The following CDV3 variants were observed in gnomAD, a reference collection of about 807,000 sequenced individuals.
The protein encoded by CDV3 is CDV3 homolog.
In CDV3, 14 loss-of-function variants were observed where a neutral mutation model predicts 24.5. The ratio of observed to expected loss-of-function variants is 0.57; its 90% CI spans 0.38 to 0.89. The LOEUF is 0.89. Ranked by LOEUF, CDV3 falls within the 40% of genes least tolerant of loss-of-function variation. CDV3 has a pLI of 0.00. For synonymous variants in CDV3, 114 were observed against 114.1 expected (o/e 1.00, Z 0.00); for missense variants, 304 against 310.2 (o/e 0.98, Z 0.15).
At chr3:133,587,206 C>T in intron 4 of CDV3, 1 of 1,347,274 alleles carries the variant, frequency 7.4e-7, no homozygotes. Context: ...CTACATATGG[C>T]ACATCTACAT....
intron 4 of CDV3, chr3:133,587,331 C>T: frequency 8.0e-7 from 1 of 1,254,608 alleles, no homozygotes; most frequent in Non-Finnish European, 1.0e-6. Flanking sequence ...AGCCTTTTCA[C>T]CACTTTGAGA....
At chr3:133,574,406 C>A in intron 1 of CDV3, 122 bp downstream of exon 1, 3 of 966,812 alleles carry the variant, frequency 3.1e-6, no homozygotes, top group Non-Finnish European at 3.7e-6. Flanking sequence ...CGGGCGCGGG[C>A]CGCCACGTGA....
chr3:133,586,563 T>C lies in CDV3; in HGVS notation c.467T>C (p.Val156Ala). The stretch of plus-strand genomic sequence containing the variant: ...TCTAAAAATTGTTATAAAATATTAG[T>C]TACAGAAACCCCAGAACCAGCGATG... ...PVQAPPAPVI[V>A]TETPEPAMTS... Residue 156 changes from valine (V) to alanine (A), a missense_variant and splice_region_variant, in exon 4 of 5, where the codon GTT becomes GCT. Around this residue, in one of 3 missense-constraint regions of CDV3, gnomAD observed 219 missense variants for 203.6 expected, o/e 1.08. Coordinates refer to ENST00000264993, the MANE Select transcript of CDV3 (RefSeq NM_017548.5). 1 of 1,530,936 alleles carries C rather than the reference T, an allele frequency of 6.5e-7. No individual in the cohort carries two copies. Among genetic ancestry groups the C allele is most frequent in the Non-Finnish European group, 9.0e-7 (1 of 1,117,034 alleles). The allele number at this position is 1,530,936 out of a possible 1,614,324, so 94.8% of individuals were successfully genotyped here.
In CDV3 at chr3:133,588,489, T is replaced by A. The variant is rs748416836; in HGVS notation, c.*443T>A. ...AACCTTGCAACCAGCTCTACTGGAT[T>A]CTTATCAGAAATCCTGCATAAAAAG... On this transcript the variant is annotated 3_prime_UTR_variant, in exon 5 of 5. Coordinates refer to ENST00000264993, the MANE Select transcript of CDV3 (RefSeq NM_017548.5). The A allele has an allele frequency of 9.3e-6, 9 of 964,256 alleles. No homozygotes were observed. Among genetic ancestry groups the A allele is most frequent in the Non-Finnish European group, 1.4e-5 (9 of 644,334 alleles). The allele number at this position is 964,256 out of a possible 1,614,324, so 59.7% of individuals were successfully genotyped here.
At chr3:133,576,633 ATTAT>A (rs1165035995) in intron 2 of CDV3, among the ~76,000 whole-genome samples, 2 of 152,074 alleles carry the variant, frequency 1.3e-5, no homozygotes. Flanking sequence ...AACTATGGAG[ATTAT>A]TTAAACAGAA....
In CDV3 at chr3:133,588,427, C is replaced by G. The variant is rs2107748405; in HGVS notation, c.*381C>G. The stretch of plus-strand genomic sequence containing the variant: ...GTGGACTTCATGTGGATCACAACTT[C>G]TGGATAAGAAGATTACAACTATTAA... On this transcript the variant is annotated 3_prime_UTR_variant, in exon 5 of 5. Transcript: ENST00000264993. The G allele has an allele frequency of 1.4e-6, 2 of 1,450,380 alleles. No individual in the cohort carries two copies. The highest frequency in any genetic ancestry group is 1.2e-5 in the South Asian group (1 of 82,072). 89.8% of individuals were successfully genotyped at this position (1,450,380 alleles called of 1,614,324 possible).
intron 1 of CDV3, chr3:133,574,746 G>GTC: frequency 9.1e-7 from 1 of 1,098,226 alleles, no homozygotes; most frequent in Non-Finnish European, 1.1e-6. Context: ...TGGCAAGGTT[G>GTC]AAGTAGAAAT....
At chr3:133,587,829 A>G in intron 4 of CDV3, 67 bp from the exon 5 acceptor site, 1 of 1,520,682 alleles carries the variant, frequency 6.6e-7, no homozygotes, top group East Asian at 2.3e-5. Context: ...TTTAAATTCA[A>G]GGACGAATAT....
rs550869230 is a variant in CDV3, at chr3:133,585,460, C to A, written c.467-1103C>A. Among the ~76,000 whole-genome samples, 3 of 151,642 alleles carry A rather than the reference C, an allele frequency of 2.0e-5. No individual in the cohort carries two copies. The East Asian group carries it at 5.8e-4, about 29-fold the overall frequency. On this transcript the variant is annotated intron_variant, in intron 3 of 4. Coordinates refer to ENST00000264993, the MANE Select transcript of CDV3 (RefSeq NM_017548.5). ...CCTCCCAAAGTGCTGGGATTACAGG[C>A]GTGAGCCATTGTGCCTGGCTAGAAT...
chr3:133,574,694 G>A (rs547109328), intron 1 of CDV3: 38 of 1,061,632 alleles, frequency 3.6e-5, no homozygotes, highest in Admixed American at 4.9e-5. Flanking sequence ...CTTTTGTGAT[G>A]ACTTAGTCTC....
Position 133,586,575 on chromosome 3 carries a change from C to G in CDV3, c.479C>G (p.Pro160Arg). 5 of 1,581,820 alleles carry G rather than the reference C, an allele frequency of 3.2e-6. No homozygotes were observed. Among genetic ancestry groups the G allele is most frequent in the Non-Finnish European group, 4.3e-6 (5 of 1,153,916 alleles). ...TATAAAATATTAGTTACAGAAACCC[C>G]AGAACCAGCGATGACTAGTGGTGTG... ...PPAPVIVTET[P>R]EPAMTSGVYR... The change falls in exon 4 of 5, where the codon CCA becomes CGA. Residue 160 changes from proline (P) to arginine (R), a missense_variant. Transcript: ENST00000264993.
chr3:133,576,946 C>T (rs2074838331), intron 2 of CDV3, among the ~76,000 whole-genome samples: 1 of 148,422 alleles, frequency 6.7e-6, no homozygotes, highest in Admixed American at 6.9e-5. Context: ...CTTCTGGTTT[C>T]AAGCGATTCT....
intron 2 of CDV3, 152 bp downstream of exon 2, chr3:133,575,267 A>G: frequency 1.9e-6 from 1 of 526,904 alleles, no homozygotes; most frequent in Non-Finnish European, 3.5e-6. Context: ...ACTCTTTCTC[A>G]CTCCATGGAG....
chr3:133,578,193 C>G (rs1161840396), intron 2 of CDV3, among the ~76,000 whole-genome samples: 1 of 151,914 alleles, frequency 6.6e-6, no homozygotes, highest in African/African-American at 2.4e-5. Flanking sequence ...GTCTATTTTA[C>G]CTAGGCTGGT....
At position 133,588,478 on chromosome 3, in the gene CDV3, C is replaced by G. The variant is rs1933828138; in HGVS notation, c.*432C>G. On this transcript the variant is annotated 3_prime_UTR_variant, in exon 5 of 5. Coordinates refer to ENST00000264993, the MANE Select transcript of CDV3 (RefSeq NM_017548.5). ...GTGTCGATGTGAACCTTGCAACCAG[C>G]TCTACTGGATTCTTATCAGAAATCC... 9.6e-7 allele frequency: 1 copy of G among 1,038,462 alleles called. No individual in the cohort carries two copies. The highest frequency in any genetic ancestry group is 1.4e-6 in the Non-Finnish European group (1 of 702,952). The allele number at this position is 1,038,462 out of a possible 1,614,324, so 64.3% of individuals were successfully genotyped here.
chr3:133,582,135 A>G (rs1056452300), intron 2 of CDV3, among the ~76,000 whole-genome samples: 1 of 151,930 alleles, frequency 6.6e-6, no homozygotes, highest in African/African-American at 2.4e-5. Flanking sequence ...TTGGTAGGTA[A>G]TTCATACAAT....
rs1001319104 is a variant in CDV3, at chr3:133,575,121, G to A, written c.317+6G>A. The A allele has an allele frequency of 2.0e-6, 3 of 1,484,704 alleles. No individual in the cohort carries two copies. In the African/African-American group the frequency reaches 4.1e-5, roughly 21 times the overall value. The allele number at this position is 1,484,704 out of a possible 1,614,324, so 92.0% of individuals were successfully genotyped here. ...GTTCAGGCAATGCAAATAAGGTATA[G>A]TCTGGTTACAAATGTGTTTAGATAA... is the stretch of plus-strand genomic sequence containing the variant. On this transcript the variant is annotated splice_donor_region_variant and intron_variant, in intron 2 of 4. Coordinates refer to ENST00000264993, the MANE Select transcript of CDV3 (RefSeq NM_017548.5).
In CDV3 at chr3:133,588,423, A is replaced by G; in HGVS notation, c.*377A>G. On this transcript the variant is annotated 3_prime_UTR_variant, in exon 5 of 5. Transcript: ENST00000264993. The stretch of plus-strand genomic sequence containing the variant: ...CATTGTGGACTTCATGTGGATCACA[A>G]CTTCTGGATAAGAAGATTACAACTA... The G allele has an allele frequency of 6.1e-6, 9 of 1,465,516 alleles. No individual in the cohort carries two copies. The highest frequency in any genetic ancestry group is 8.3e-6 in the Non-Finnish European group (9 of 1,083,226). The allele number at this position is 1,465,516 out of a possible 1,614,324, so 90.8% of individuals were successfully genotyped here.
intron 2 of CDV3, among the ~76,000 whole-genome samples, chr3:133,577,299 G>A (rs1456706475): frequency 6.6e-6 from 1 of 151,660 alleles, no homozygotes; most frequent in African/African-American, 2.4e-5. Flanking sequence ...TCTGCTACAT[G>A]TGCTTTATCT....
Sources: allele counts gnomAD v4.1 joint callset (sites outside exome capture counted in the v4.1 genomes callset), GRCh38; gene constraint gnomAD v4.1.1; regional missense constraint gnomAD v4.1.1; transcripts MANE v1.5; gene names NCBI Gene and HGNC (gene_info 2026-07-23, HGNC 2026-07-21).